CLGN: variants seen among roughly 807,000 people sequenced by gnomAD.
CLGN encodes calmegin.
A neutral mutation model predicts 79.1 loss-of-function variants in CLGN; 62 were observed. The observed-to-expected ratio is 0.78, with a 90% CI of 0.64 to 0.97. The LOEUF (loss-of-function observed/expected upper bound fraction) is 0.97, where lower values mean the gene tolerates loss of function less well. CLGN is among the 50% of genes least tolerant of loss of function. The pLI, the probability that CLGN is intolerant of heterozygous loss-of-function variation, is 0.00. For missense variants in CLGN, 647 were observed against 715.5 expected (o/e 0.90, Z 1.09); for synonymous variants, 225 against 224.7 (o/e 1.00, Z -0.01).
intron 10 of CLGN, among the ~76,000 whole-genome samples, chr4:140,395,436 G>A (rs536520396): frequency 3.5e-4 from 54 of 152,174 alleles, no homozygotes; most frequent in Middle Eastern, 3.4e-3. Flanking sequence ...ATGAGCCACC[G>A]TACCTGGCCA....
rs976993264 is a variant in CLGN at position 140,406,027 on chromosome 4, C to A, written c.334G>T (p.Val112Leu). ...TGATGCTTTGCTCTAGATTTTAATA[C>A]CAGTCCTCTGTCACCAGGTACCTGG... ...ENQVPGDRGL[V>L]LKSRAKHHAI... The change falls in exon 5 of 15, where the codon GTA (valine) becomes TTA (leucine). Residue 112 changes from valine to leucine, a missense_variant. Physicochemically the swap from Val to Leu is conservative, Grantham distance 32. Coordinates refer to ENST00000325617, the MANE Select transcript of CLGN (RefSeq NM_004362.3). The A allele has an allele frequency of 6.2e-7, 1 of 1,613,324 alleles. No individual in the cohort carries two copies. Among genetic ancestry groups the A allele is most frequent in the Non-Finnish European group, 8.5e-7 (1 of 1,179,568 alleles).
chr4:140,412,882 T>C, intron 2 of CLGN, 53 bp downstream of exon 2: 8 of 1,472,038 alleles, frequency 5.4e-6, no homozygotes, highest in Non-Finnish European at 7.5e-6. Context: ...GGTCAATCAC[T>C]TCATTGTACT....
chr4:140,413,232 T>C (rs1170214052), intron 1 of CLGN, 145 bp from the exon 2 acceptor site: 9 of 647,718 alleles, frequency 1.4e-5, no homozygotes, highest in Middle Eastern at 4.2e-4. Flanking sequence ...ATTATTTAAA[T>C]TGTGCTTTGA....
intron 4 of CLGN, among the ~76,000 whole-genome samples, chr4:140,408,677 T>C (rs557614106): frequency 1.3e-5 from 2 of 151,694 alleles, no homozygotes; most frequent in South Asian, 4.2e-4. Flanking sequence ...AAAAAACAAT[T>C]GGCATGGATG....
chr4:140,413,037 G>A lies in CLGN; in HGVS notation c.42C>T (p.Phe14=), dbSNP rs1246713031. ...CCATAAATTCTGCATTAATTGAGATGAACAGAAGACCCAAACATAGCCAAA... is the reference window on the plus strand; with the variant it reads ...CCATAAATTCTGCATTAATTGAGATAAACAGAAGACCCAAACATAGCCAAA... The part of the protein sequence containing the change: ...QAFWLCLGLL[F]ISINAEFMDD... Residue 14 remains phenylalanine, a synonymous_variant, in exon 2 of 15, where the codon TTC becomes TTT. Coordinates refer to ENST00000325617, the MANE Select transcript of CLGN (RefSeq NM_004362.3). The A allele has an allele frequency of 3.7e-6, 6 of 1,612,990 alleles. No homozygotes were observed. Among genetic ancestry groups the A allele is most frequent in the Non-Finnish European group, 4.2e-6 (5 of 1,179,370 alleles).
At chr4:140,425,814 A>G (rs1252513058) in intron 1 of CLGN, among the ~76,000 whole-genome samples, 1 of 151,544 alleles carries the variant, frequency 6.6e-6, no homozygotes. Flanking sequence ...TTTTTAGTAG[A>G]GACGGGGTTT....
chr4:140,396,605 G>A (rs1304039425), intron 8 of CLGN, among the ~76,000 whole-genome samples: 1 of 151,564 alleles, frequency 6.6e-6, no homozygotes, highest in Admixed American at 6.6e-5. Flanking sequence ...TTCCCAGGCT[G>A]GAGTGCAATA....
chr4:140,393,216 C>T (rs67254433), intron 11 of CLGN, among the ~76,000 whole-genome samples: 14,728 of 152,016 alleles, frequency 0.097, 845 homozygotes, highest in East Asian at 0.22. Flanking sequence ...GTTTTAGTTA[C>T]AAGAGGTTCA....
intron 1 of CLGN, among the ~76,000 whole-genome samples, chr4:140,425,244 A>G (rs2126636857): frequency 6.6e-6 from 1 of 152,242 alleles, no homozygotes; most frequent in South Asian, 2.1e-4. Context: ...GCCCATAAAA[A>G]CTTCCTATAA....
In CLGN at chr4:140,413,033, A is replaced by G; in HGVS notation, c.46T>C (p.Ser16Pro). 6.2e-7 allele frequency: 1 copy of G among 1,613,320 alleles called. No individual in the cohort carries two copies. The highest frequency in any genetic ancestry group is 1.1e-5 in the South Asian group (1 of 91,018). ...FWLCLGLLFI[S>P]INAEFMDDDV... ...TCATCCATAAATTCTGCATTAATTGAGATGAACAGAAGACCCAAACATAGC... is the reference window on the plus strand; with the variant it reads ...TCATCCATAAATTCTGCATTAATTGGGATGAACAGAAGACCCAAACATAGC... Residue 16 changes from serine (S) to proline (P), a missense_variant, in exon 2 of 15, where the codon TCA (serine) becomes CCA (proline). Coordinates refer to ENST00000325617, the MANE Select transcript of CLGN (RefSeq NM_004362.3).
chr4:140,427,099 A>C (rs185396530), intron 1 of CLGN, among the ~76,000 whole-genome samples: 6 of 69,796 alleles, frequency 8.6e-5, no homozygotes, highest in Admixed American at 6.9e-4. Flanking sequence ...CCCCCTCTAC[A>C]ACCATTGGGA....
At chr4:140,389,376 TTTA>T in intron 14 of CLGN, 72 bp from the exon 15 acceptor site, 1 of 1,056,542 alleles carries the variant, frequency 9.5e-7, no homozygotes, top group South Asian at 1.3e-5. Context: ...AAACAATATA[TTTA>T]TTATTCTCTA....
In CLGN at chr4:140,392,313, T is replaced by C; in HGVS notation, c.1557A>G (p.Leu519=). The C allele has an allele frequency of 6.2e-7, 1 of 1,613,450 alleles. No individual in the cohort carries two copies. The highest frequency in any genetic ancestry group is 8.5e-7 in the Non-Finnish European group (1 of 1,179,542). ...DICIPQTKGV[L]EQEEKEEKAA... ...CTTTCTCTTCCTTTTCTTCTTGCTC[T>C]AGTACTCCTTTTGTTTGTGGTATAC... is the stretch of plus-strand genomic sequence containing the variant. The change falls in exon 13 of 15, where the codon CTA becomes CTG. Residue 519 remains leucine (L), a synonymous_variant. Coordinates refer to ENST00000325617, the MANE Select transcript of CLGN (RefSeq NM_004362.3).
chr4:140,396,880 T>C (rs1227143403), intron 8 of CLGN, among the ~76,000 whole-genome samples: 105 of 67,102 alleles, frequency 1.6e-3, no homozygotes, highest in African/African-American at 6.4e-3. Flanking sequence ...TATACATATA[T>C]ATATATATAT....
chr4:140,422,081 T>G (rs561362089), intron 1 of CLGN, among the ~76,000 whole-genome samples: 6 of 152,310 alleles, frequency 3.9e-5, no homozygotes, highest in African/African-American at 1.2e-4. Context: ...TAAAAAAAAT[T>G]TGAACATATA....
In CLGN at chr4:140,399,783, C is replaced by A. The variant is rs543541944; in HGVS notation, c.694+574G>T. On this transcript the variant is annotated intron_variant, in intron 7 of 14. Coordinates refer to ENST00000325617, the MANE Select transcript of CLGN (RefSeq NM_004362.3). ...AAACAACTGCTTATGATGTCCCTCA[C>A]CCCCATATCTATGCAAATTCCTATT... 2.9e-3 allele frequency among the ~76,000 whole-genome samples: 440 copies of A among 152,250 alleles called. 1 individual carries two copies. Among genetic ancestry groups the A allele is most frequent in the Non-Finnish European group, 5.3e-3 (358 of 68,004 alleles).
At chr4:140,390,312 T>C (rs1327147785) in intron 14 of CLGN, among the ~76,000 whole-genome samples, 1 of 151,818 alleles carries the variant, frequency 6.6e-6, no homozygotes, top group African/African-American at 2.4e-5. Context: ...ATCTTTTAAA[T>C]ATTCAAACAA....
intron 1 of CLGN, among the ~76,000 whole-genome samples, chr4:140,416,779 GA>G (rs1241817667): frequency 6.6e-6 from 1 of 152,066 alleles, no homozygotes; most frequent in Admixed American, 6.5e-5. Context: ...GTACAAGGAG[GA>G]ACTGCTACCA....
chr4:140,398,394 C>G (rs1251496957), intron 8 of CLGN, among the ~76,000 whole-genome samples: 2 of 151,456 alleles, frequency 1.3e-5, no homozygotes, highest in Admixed American at 1.3e-4. Context: ...CTCAGCCTCC[C>G]GAGTAGCTGG....
Sources: allele counts gnomAD v4.1 joint callset (sites outside exome capture counted in the v4.1 genomes callset), GRCh38; gene constraint gnomAD v4.1.1; transcripts MANE v1.5; gene names NCBI Gene and HGNC (gene_info 2026-07-23, HGNC 2026-07-21).